MVB12B: variants seen among roughly 807,000 people sequenced by gnomAD.
The protein encoded by MVB12B is multivesicular body subunit 12B, also known as ESCRT-I complex subunit MVB12B.
Under a neutral mutation model 41.6 loss-of-function variants are expected in MVB12B, and 16 were observed. The observed-to-expected ratio is 0.38, with a 90% CI of 0.26 to 0.58. The LOEUF is 0.58. MVB12B is among the 20% of genes least tolerant of loss of function. The probability of loss-of-function intolerance (pLI) is 0.62; values close to 1 mark genes in which losing one functional copy is unlikely to be tolerated. For missense variants in MVB12B, 274 were observed against 380.2 expected, an observed-to-expected ratio of 0.72 and a Z score of 2.32; for synonymous variants, 133 against 139.7, an observed-to-expected ratio of 0.95 and a Z score of 0.34.
intron 2 of MVB12B, among the ~76,000 whole-genome samples, chr9:126,351,787 C>T (rs74310000): frequency 6.6e-6 from 1 of 152,000 alleles, no homozygotes; most frequent in Non-Finnish European, 1.5e-5. Flanking sequence ...CGTGCCTGGC[C>T]CCAGTCTTTC....
At chr9:126,374,419 T>G (rs768456464) in intron 2 of MVB12B, among the ~76,000 whole-genome samples, 1 of 152,236 alleles carries the variant, frequency 6.6e-6, no homozygotes, top group Non-Finnish European at 1.5e-5. Flanking sequence ...CACTGTCCAG[T>G]GGGCTGTTCA....
intron 1 of MVB12B, among the ~76,000 whole-genome samples, chr9:126,339,363 C>T (rs1829374258): frequency 2.0e-5 from 3 of 152,188 alleles, no homozygotes. Context: ...GACCTGCAGC[C>T]AGTGGAGTTT....
At chr9:126,402,428 A>C (rs1206389858) in intron 6 of MVB12B, among the ~76,000 whole-genome samples, 1 of 152,104 alleles carries the variant, frequency 6.6e-6, no homozygotes, top group South Asian at 2.1e-4. Flanking sequence ...ACTTGAGTTC[A>C]GGAGTTCAAA....
intron 8 of MVB12B, among the ~76,000 whole-genome samples, chr9:126,482,620 A>T (rs1225330014): frequency 2.0e-5 from 3 of 152,148 alleles, no homozygotes; most frequent in Admixed American, 2.0e-4. Flanking sequence ...GAGCCTAATG[A>T]CACAGCAGCT....
At chr9:126,397,296 T>G in intron 6 of MVB12B, 9 of 985,464 alleles carry the variant, frequency 9.1e-6, no homozygotes, top group Non-Finnish European at 1.1e-5. Flanking sequence ...CAGAGAGAGC[T>G]CTCAGAAGCC....
intron 7 of MVB12B, among the ~76,000 whole-genome samples, chr9:126,442,404 A>G (rs545529662): frequency 1.3e-5 from 2 of 152,202 alleles, no homozygotes; most frequent in Non-Finnish European, 2.9e-5. Flanking sequence ...GAAAACTGTC[A>G]TTCATAATAG....
At chr9:126,382,094 T>G (rs926430497) in intron 3 of MVB12B, among the ~76,000 whole-genome samples, 1 of 71,316 alleles carries the variant, frequency 1.4e-5, no homozygotes, top group African/African-American at 7.2e-5. Flanking sequence ...TAATATTTAT[T>G]TGCAGTTAAA....
At chr9:126,381,888 T>C (rs1027125691) in intron 3 of MVB12B, among the ~76,000 whole-genome samples, 1 of 151,944 alleles carries the variant, frequency 6.6e-6, no homozygotes, top group Non-Finnish European at 1.5e-5. Context: ...TCCTTTCCAT[T>C]GAAGAAACCG....
intron 9 of MVB12B, among the ~76,000 whole-genome samples, chr9:126,494,876 C>A (rs965381688): frequency 6.6e-6 from 1 of 151,738 alleles, no homozygotes. Context: ...CCACCCCCCC[C>A]CAGGGTTGTT....
intron 1 of MVB12B, among the ~76,000 whole-genome samples, chr9:126,337,287 T>G (rs1056873625): frequency 2.0e-5 from 3 of 152,122 alleles, no homozygotes; most frequent in African/African-American, 7.2e-5. Context: ...TGCTTGGATC[T>G]CCCTCATTAG....
intron 2 of MVB12B, among the ~76,000 whole-genome samples, chr9:126,343,098 T>C (rs550841374): frequency 1.3e-5 from 2 of 152,348 alleles, no homozygotes; most frequent in South Asian, 2.1e-4. Flanking sequence ...AGGTGCCAAA[T>C]GTTCATTTAT....
At chr9:126,466,890 C>T (rs1833212790) in intron 7 of MVB12B, among the ~76,000 whole-genome samples, 1 of 151,898 alleles carries the variant, frequency 6.6e-6, no homozygotes, top group African/African-American at 2.4e-5. Flanking sequence ...TGCAGTGGTG[C>T]AATCTCAGCT....
chr9:126,386,677 G>T lies in MVB12B; in HGVS notation c.409+19G>T. 1 of 1,548,326 alleles carries T rather than the reference G, an allele frequency of 6.5e-7. No homozygotes were observed. The highest frequency in any genetic ancestry group is 1.4e-5 in the African/African-American group (1 of 73,682). On this transcript the variant is annotated intron_variant, in intron 4 of 9. Transcript: ENST00000361171. The surrounding 1 kb of genome is among the most constrained non-coding windows in gnomAD (Gnocchi z 4.3). ...GACACACGTGAGTCATCCTTTAGTA[G>T]CACTCATCACAATGAGCGTTTTCTT...
At chr9:126,412,959 A>G (rs1040133130) in intron 6 of MVB12B, among the ~76,000 whole-genome samples, 15 of 152,178 alleles carry the variant, frequency 9.9e-5, no homozygotes. Context: ...CTTTAGTATT[A>G]TATGAAAATT....
chr9:126,423,488 G>A (rs1184081339), intron 7 of MVB12B, among the ~76,000 whole-genome samples: 1 of 152,234 alleles, frequency 6.6e-6, no homozygotes, highest in Non-Finnish European at 1.5e-5. Flanking sequence ...TCAAGACACA[G>A]GGGAAGCCAT....
At chr9:126,331,124 A>G (rs1829119375) in intron 1 of MVB12B, among the ~76,000 whole-genome samples, 1 of 151,870 alleles carries the variant, frequency 6.6e-6, no homozygotes, top group African/African-American at 2.4e-5. Flanking sequence ...AGATACCCAG[A>G]AGTGGAATTG....
Position 126,392,132 on chromosome 9 carries a change from C to T in MVB12B, c.476C>T (p.Ala159Val), listed in dbSNP as rs1265205569. The T allele has an allele frequency of 1.9e-6, 3 of 1,614,042 alleles. No homozygotes were observed. The highest frequency in any genetic ancestry group is 1.3e-5 in the African/African-American group (1 of 74,922). ...KFIPRDSTEA[A>V]ICDIRIMGRT... ...ATTCCACGGGATTCAACGGAAGCTG[C>T]GATTTGTGACATTCGGATCATGGGC... The change falls in exon 5 of 10, where the codon GCG becomes GTG. Residue 159 changes from alanine to valine, a missense_variant. Coordinates refer to ENST00000361171, the MANE Select transcript of MVB12B (RefSeq NM_033446.3). The surrounding 1 kb of genome is among the most constrained non-coding windows in gnomAD (Gnocchi z 4.8).
chr9:126,331,314 G>A (rs572768574), intron 1 of MVB12B, among the ~76,000 whole-genome samples: 4 of 152,320 alleles, frequency 2.6e-5, no homozygotes, highest in East Asian at 3.9e-4. Context: ...AGTAGCCATC[G>A]TAATGAGTAT....
chr9:126,335,309 C>T, intron 1 of MVB12B: 1 of 1,300,872 alleles, frequency 7.7e-7, no homozygotes, highest in Non-Finnish European at 1.0e-6. Context: ...GACAGCCTCT[C>T]AGTCTGTGCA....
Sources: allele counts gnomAD v4.1 joint callset (sites outside exome capture counted in the v4.1 genomes callset), GRCh38; gene constraint gnomAD v4.1.1; non-coding constraint Gnocchi (gnomAD v3.1); transcripts MANE v1.5; gene names NCBI Gene and HGNC (gene_info 2026-07-23, HGNC 2026-07-21).